TBXAS1: variants seen among roughly 807,000 people sequenced by gnomAD.
TBXAS1 encodes thromboxane-A synthase.
In TBXAS1, 48 loss-of-function variants were observed where a neutral mutation model predicts 60.7. The observed-to-expected ratio is 0.79, with a 90% CI of 0.63 to 1.01. The LOEUF (loss-of-function observed/expected upper bound fraction) is 1.01, where lower values mean the gene tolerates loss of function less well. Among genes scored for constraint, TBXAS1 ranks in the 50% least tolerant of loss-of-function variants. The pLI is 0.00. For missense variants in TBXAS1, 685 were observed against 686.3 expected (o/e 1.00, Z 0.02); for synonymous variants, 287 against 269.7 (o/e 1.06, Z -0.63).
Position 139,852,652 on chromosome 7 carries a change from T to C in TBXAS1, c.90-19583T>C, listed in dbSNP as rs185642372. ...ATGCAAGGGGATTATAAATATTTTT[T>C]TGAAACTCTTAACAATATTCTTTTG... On this transcript the variant is annotated intron_variant, in intron 1 of 12. Coordinates refer to ENST00000448866, the MANE Select transcript of TBXAS1 (RefSeq NM_001061.7). This position sits in a 1 kb window ranked among gnomAD's most constrained non-coding sequence, Gnocchi z 4.4. Among the ~76,000 whole-genome samples, 1 of 152,298 alleles carries C rather than the reference T, an allele frequency of 6.6e-6. No individual in the cohort carries two copies. Among genetic ancestry groups the C allele is most frequent in the African/African-American group, 2.4e-5 (1 of 41,568 alleles).
rs1483646806 is a variant in TBXAS1, at chr7:139,999,246, C to T, written c.1135-7845C>T. ...CTTGCCATAAGAACTCAGGGCTGGC[C>T]GGGCGCCATGGCTTACGCCTATAAT... is the stretch of plus-strand genomic sequence containing the variant. On this transcript the variant is annotated intron_variant, in intron 9 of 12. Transcript: ENST00000448866. This position sits in a 1 kb window ranked among gnomAD's most constrained non-coding sequence, Gnocchi z 4.3. Among the ~76,000 whole-genome samples the T allele has an allele frequency of 3.3e-5, 5 of 152,202 alleles. No individual in the cohort carries two copies. The highest frequency in any genetic ancestry group is 7.2e-5 in the African/African-American group (3 of 41,464).
chr7:140,019,596 A>G (rs1371450422), intron 12 of TBXAS1, among the ~76,000 whole-genome samples: 1 of 152,162 alleles, frequency 6.6e-6, no homozygotes, highest in East Asian at 1.9e-4. Context: ...TTGCTGTCAC[A>G]TTAGCCACTG....
Position 139,896,468 on chromosome 7 carries a change from A to C in TBXAS1, c.237-14757A>C, listed in dbSNP as rs185814473. On this transcript the variant is annotated intron_variant, in intron 3 of 12. Coordinates refer to ENST00000448866, the MANE Select transcript of TBXAS1 (RefSeq NM_001061.7). This position sits in a 1 kb window ranked among gnomAD's most constrained non-coding sequence, Gnocchi z 4.0. ...GCAAGAATGAAAGGCTGTGGTTCCC[A>C]AACTGTGTGCTGAGACACCCCAGGG... Among the ~76,000 whole-genome samples the C allele has an allele frequency of 1.3e-3, 200 of 152,308 alleles. No homozygotes were observed. The highest frequency in any genetic ancestry group is 4.7e-3 in the African/African-American group (195 of 41,572).
At chr7:139,841,124 GA>G (rs1799413362) in intron 1 of TBXAS1, among the ~76,000 whole-genome samples, 1 of 152,218 alleles carries the variant, frequency 6.6e-6, no homozygotes, top group African/African-American at 2.4e-5. Flanking sequence ...AAGGAGCCCA[GA>G]AATACAGAAG....
chr7:139,875,095 G>A (rs1017692033), intron 2 of TBXAS1, among the ~76,000 whole-genome samples: 18 of 151,982 alleles, frequency 1.2e-4, no homozygotes, highest in African/African-American at 3.6e-4. Context: ...ACTCTGTCTC[G>A]AAAAAACAAA....
chr7:139,922,597 T>C (rs897458007), intron 4 of TBXAS1, among the ~76,000 whole-genome samples: 7 of 152,220 alleles, frequency 4.6e-5, no homozygotes, highest in African/African-American at 1.7e-4. Flanking sequence ...CAGTCCATGG[T>C]TTGTGTGTTA....
chr7:139,976,116 C>A (rs1302035065), intron 9 of TBXAS1, among the ~76,000 whole-genome samples: 1 of 152,206 alleles, frequency 6.6e-6, no homozygotes, highest in Admixed American at 6.5e-5. Context: ...TAGGGAAATG[C>A]ACCTGAGACA....
intron 9 of TBXAS1, among the ~76,000 whole-genome samples, chr7:139,973,584 A>G (rs1360187753): frequency 7.2e-6 from 1 of 138,500 alleles, no homozygotes; most frequent in African/African-American, 2.7e-5. Context: ...GTTGTATTTT[A>G]TAACTGAATA....
At chr7:139,892,758 TG>T (rs1434507682) in intron 3 of TBXAS1, among the ~76,000 whole-genome samples, 1 of 152,196 alleles carries the variant, frequency 6.6e-6, no homozygotes, top group Non-Finnish European at 1.5e-5. Context: ...CACTGCTCCT[TG>T]GTGTTCTTGT....
chr7:139,804,824 T>C (rs943799287), intron 4 of TBXAS1, among the ~76,000 whole-genome samples: 62 of 152,340 alleles, frequency 4.1e-4, no homozygotes, highest in African/African-American at 1.4e-3. Context: ...CATGTGAAAC[T>C]GTGAGTCCAT....
rs776632713 is a variant in TBXAS1 at position 139,911,243 on chromosome 7, G to T, written c.255G>T (p.Arg85=). Reference sequence around the variant, plus strand: ...CTCCCAGGTACTATCTTGGTCGTCGGATGTTTATTGTTATTTCTGAGCCAG... The same window carrying T: ...CTCCCAGGTACTATCTTGGTCGTCGTATGTTTATTGTTATTTCTGAGCCAG... ...GPLCGYYLGR[R]MFIVISEPDM... is the part of the protein sequence containing the mutation. Residue 85 remains arginine (R), a synonymous_variant, in exon 4 of 13, where the codon CGG becomes CGT. Transcript: ENST00000448866. 1.2e-6 allele frequency: 2 copies of T among 1,614,074 alleles called. No homozygotes were observed. The highest frequency in any genetic ancestry group is 4.5e-5 in the East Asian group (2 of 44,876).
intron 4 of TBXAS1, among the ~76,000 whole-genome samples, chr7:139,813,291 G>A (rs1798067750): frequency 6.6e-6 from 1 of 152,000 alleles, no homozygotes; most frequent in Admixed American, 6.6e-5. Flanking sequence ...GGTCACTGAT[G>A]TCCCTTCAGG....
chr7:139,941,316 T>C (rs1233210117), intron 5 of TBXAS1, among the ~76,000 whole-genome samples: 2 of 152,210 alleles, frequency 1.3e-5, no homozygotes, highest in Admixed American at 6.5e-5. Flanking sequence ...TTCAAAAGCT[T>C]TGGATGGCGT....
chr7:139,900,487 G>A (rs1804480336), intron 3 of TBXAS1, among the ~76,000 whole-genome samples: 1 of 152,206 alleles, frequency 6.6e-6, no homozygotes, highest in African/African-American at 2.4e-5. Flanking sequence ...TTCTAGGGAA[G>A]TAAGCTTTGA....
At chr7:139,912,687 C>T (rs1805626610) in intron 4 of TBXAS1, among the ~76,000 whole-genome samples, 1 of 152,100 alleles carries the variant, frequency 6.6e-6, no homozygotes, top group Non-Finnish European at 1.5e-5. Flanking sequence ...CACCAGGATG[C>T]AGACAGAGGA....
intron 1 of TBXAS1, among the ~76,000 whole-genome samples, chr7:139,854,925 G>A (rs1463638815): frequency 6.6e-6 from 1 of 152,138 alleles, no homozygotes; most frequent in Non-Finnish European, 1.5e-5. Context: ...TCTTTGAACT[G>A]CATTAAGTGG....
intron 3 of TBXAS1, among the ~76,000 whole-genome samples, chr7:139,891,614 G>A (rs1428061529): frequency 3.9e-5 from 6 of 152,164 alleles, no homozygotes; most frequent in Admixed American, 2.6e-4. Context: ...ATAATTATTT[G>A]TTGGTTGACC....
At chr7:140,006,790 G>A (rs1029884372) in intron 9 of TBXAS1, among the ~76,000 whole-genome samples, 6 of 152,142 alleles carry the variant, frequency 3.9e-5, no homozygotes, top group Non-Finnish European at 8.8e-5. Flanking sequence ...GCACTTGGTC[G>A]GCCACATCGT....
chr7:139,835,157 C>A (rs1412880486), intron 1 of TBXAS1, among the ~76,000 whole-genome samples: 2 of 151,758 alleles, frequency 1.3e-5, no homozygotes, highest in Admixed American at 6.6e-5. Context: ...AGCTCTGCCT[C>A]CCGGGTTCAT....
Sources: allele counts gnomAD v4.1 joint callset (sites outside exome capture counted in the v4.1 genomes callset), GRCh38; gene constraint gnomAD v4.1.1; non-coding constraint Gnocchi (gnomAD v3.1); transcripts MANE v1.5; gene names NCBI Gene and HGNC (gene_info 2026-07-23, HGNC 2026-07-21).